PDE4B: variants seen among roughly 807,000 people sequenced by gnomAD.
The protein encoded by PDE4B is 3',5'-cyclic-AMP phosphodiesterase 4B.
A neutral mutation model predicts 82.2 loss-of-function variants in PDE4B; 20 were observed. The ratio of observed to expected loss-of-function variants is 0.24; its 90% CI spans 0.17 to 0.35. The LOEUF (loss-of-function observed/expected upper bound fraction) is 0.35, where lower values mean the gene tolerates loss of function less well. PDE4B is among the 10% of genes least tolerant of loss of function. The pLI is 1.00. For synonymous variants in PDE4B, 320 were observed against 318.9 expected (o/e 1.00, Z -0.04); for missense variants, 655 against 907.2 (o/e 0.72, Z 3.57).
At chr1:65,947,305 A>G (rs1648763099) in intron 3 of PDE4B, among the ~76,000 whole-genome samples, 1 of 152,018 alleles carries the variant, frequency 6.6e-6, no homozygotes, top group East Asian at 1.9e-4. Flanking sequence ...TTCAGTGGCG[A>G]CATACTTTTG....
chr1:66,022,441 G>T (rs932831653), intron 3 of PDE4B, among the ~76,000 whole-genome samples: 2 of 152,140 alleles, frequency 1.3e-5, no homozygotes, highest in Non-Finnish European at 2.9e-5. Context: ...TTGGCTGTGG[G>T]TTTGTCATAA....
At chr1:66,186,158 T>G (rs1229982056) in intron 3 of PDE4B, among the ~76,000 whole-genome samples, 1 of 152,218 alleles carries the variant, frequency 6.6e-6, no homozygotes, top group Non-Finnish European at 1.5e-5. Flanking sequence ...ATATGCGGCA[T>G]TATTTCTGAG....
At chr1:66,171,678 A>G (rs1223062820) in intron 3 of PDE4B, among the ~76,000 whole-genome samples, 1 of 152,174 alleles carries the variant, frequency 6.6e-6, no homozygotes, top group East Asian at 1.9e-4. Flanking sequence ...TACCAGCTAT[A>G]TAACCTCAAG....
chr1:66,271,368 TGAGA>T (rs1655460780), intron 7 of PDE4B, among the ~76,000 whole-genome samples: 1 of 152,232 alleles, frequency 6.6e-6, no homozygotes, highest in African/African-American at 2.4e-5. Context: ...TTTGTACTGC[TGAGA>T]AACAACATCC....
chr1:65,891,646 G>A (rs1646854321), intron 1 of PDE4B, among the ~76,000 whole-genome samples: 1 of 151,980 alleles, frequency 6.6e-6, no homozygotes, highest in African/African-American at 2.4e-5. Flanking sequence ...TGTAATGAAT[G>A]TTAGTTATTT....
rs1260732441 is a variant in PDE4B at position 66,017,620 on chromosome 1, A to T, written c.281+98785A>T. ...AGCAAAATGTTTCCCACATGTCTAC[A>T]GATTTTCTTGCTTTAATAGCTTCAT... On this transcript the variant is annotated intron_variant, in intron 3 of 16. Coordinates refer to ENST00000341517, the MANE Select transcript of PDE4B (RefSeq NM_002600.4). 2.6e-5 allele frequency among the ~76,000 whole-genome samples: 4 copies of T among 152,178 alleles called. No individual in the cohort carries two copies. The East Asian group carries it at 7.7e-4, about 29-fold the overall frequency.
intron 2 of PDE4B, among the ~76,000 whole-genome samples, chr1:65,918,050 G>C (rs1405228342): frequency 6.6e-6 from 1 of 152,168 alleles, no homozygotes; most frequent in Non-Finnish European, 1.5e-5. Flanking sequence ...TGTAGTCCTA[G>C]CTACTTGGGA....
At chr1:65,814,255 T>A (rs904087707) in intron 1 of PDE4B, among the ~76,000 whole-genome samples, 3 of 152,204 alleles carry the variant, frequency 2.0e-5, no homozygotes, top group African/African-American at 7.2e-5. Flanking sequence ...CAAATCCTTT[T>A]GCTCCCTCAT....
intron 3 of PDE4B, among the ~76,000 whole-genome samples, chr1:65,995,154 T>C (rs1651468394): frequency 6.6e-6 from 1 of 152,154 alleles, no homozygotes; most frequent in East Asian, 1.9e-4. Context: ...GAAATAACTT[T>C]AGTTTTGACT....
chr1:66,033,587 A>G (rs1428404396), intron 3 of PDE4B, among the ~76,000 whole-genome samples: 6 of 151,998 alleles, frequency 3.9e-5, no homozygotes. Context: ...AAATACAGAC[A>G]CTTTAATTTT....
intron 3 of PDE4B, among the ~76,000 whole-genome samples, chr1:66,215,046 C>G (rs1400024963): frequency 6.6e-6 from 1 of 152,068 alleles, no homozygotes; most frequent in Non-Finnish European, 1.5e-5. Flanking sequence ...GCAGTAGAAA[C>G]TTGCTATGAC....
At chr1:65,993,537 T>G (rs1309682982) in intron 3 of PDE4B, among the ~76,000 whole-genome samples, 1 of 152,178 alleles carries the variant, frequency 6.6e-6, no homozygotes, top group Non-Finnish European at 1.5e-5. Flanking sequence ...CATGAATAAG[T>G]GTTTTAATCT....
chr1:65,874,147 A>G (rs200058557), intron 1 of PDE4B, among the ~76,000 whole-genome samples: 2 of 151,772 alleles, frequency 1.3e-5, no homozygotes, highest in East Asian at 1.9e-4. Flanking sequence ...CTTGTAAGTT[A>G]GATTCCTAGG....
At chr1:65,862,627 C>G (rs1194116236) in intron 1 of PDE4B, among the ~76,000 whole-genome samples, 1 of 152,144 alleles carries the variant, frequency 6.6e-6, no homozygotes, top group Non-Finnish European at 1.5e-5. Flanking sequence ...AGGAATGGTA[C>G]TAGCTCCTCT....
At chr1:66,175,379 T>A (rs1158058117) in intron 3 of PDE4B, among the ~76,000 whole-genome samples, 1 of 152,142 alleles carries the variant, frequency 6.6e-6, no homozygotes, top group Non-Finnish European at 1.5e-5. Flanking sequence ...TTTTGTTAGC[T>A]AAAAGAAGAC....
rs1053510974 is a variant in PDE4B, at chr1:65,968,875, T to G, written c.281+50040T>G. The stretch of plus-strand genomic sequence containing the variant: ...GTAATTATGACCCAACCTATATTTT[T>G]ATTTCATTAAAGGACTTTTCTTAAT... On this transcript the variant is annotated intron_variant, in intron 3 of 16. Transcript: ENST00000341517. Among the ~76,000 whole-genome samples, 3 of 152,208 alleles carry G rather than the reference T, an allele frequency of 2.0e-5. No homozygotes were observed. The East Asian group carries it at 5.8e-4, about 29-fold the overall frequency.
chr1:66,004,756 T>C (rs866293950), intron 3 of PDE4B, among the ~76,000 whole-genome samples: 4 of 152,114 alleles, frequency 2.6e-5, no homozygotes, highest in Admixed American at 1.3e-4. Flanking sequence ...TGAGAGGCAG[T>C]GGAAAAGCAC....
At chr1:66,113,922 A>T (rs1645539466) in intron 3 of PDE4B, among the ~76,000 whole-genome samples, 1 of 152,190 alleles carries the variant, frequency 6.6e-6, no homozygotes, top group South Asian at 2.1e-4. Flanking sequence ...GCATAAGGTC[A>T]TTTAATCATT....
intron 1 of PDE4B, 47 bp downstream of exon 1, chr1:65,793,295 T>G (rs1195311628): frequency 6.6e-6 from 1 of 152,388 alleles, no homozygotes; most frequent in Non-Finnish European, 1.5e-5. Flanking sequence ...CTCATTCTCT[T>G]ACTTCATCAC....
Sources: gnomAD v4.1 joint callset for allele counts (sites outside exome capture counted in the v4.1 genomes callset) on GRCh38, gnomAD v4.1.1 for gene constraint, MANE v1.5 for transcripts, NCBI Gene and HGNC (gene_info 2026-07-23, HGNC 2026-07-21) for gene names.